The following DMD variants were observed in gnomAD, a reference collection of about 807,000 sequenced individuals.
DMD encodes the protein mutant dystrophin.
In DMD, 63 loss-of-function variants were observed where a neutral mutation model predicts 330.1. The ratio of observed to expected loss-of-function variants is 0.19; its 90% CI spans 0.16 to 0.24. The LOEUF (loss-of-function observed/expected upper bound fraction) is 0.24, where lower values mean the gene tolerates loss of function less well. Ranked by LOEUF, DMD falls within the 10% of genes least tolerant of loss-of-function variation. The pLI, the probability that DMD is intolerant of heterozygous loss-of-function variation, is 1.00. For synonymous variants in DMD, 1,223 were observed against 959.8 expected (o/e 1.27, Z -5.07); for missense variants, 3,344 against 2,684.1 (o/e 1.25, Z -5.43).
At chrX:32,657,301 A>G (rs2060642913) in intron 9 of DMD, among the ~76,000 whole-genome samples, 1 of 111,790 alleles carries the variant, frequency 8.9e-6, no homozygotes, top group Non-Finnish European at 1.9e-5. Flanking sequence ...AAATGTACCT[A>G]GAACAATTTA....
chrX:32,960,096 A>T (rs2091818887), intron 2 of DMD: 1 of 112,185 alleles, frequency 8.9e-6, no homozygotes, highest in African/African-American at 3.2e-5. Flanking sequence ...GCCTCTCATT[A>T]AATGCCTGAT....
At chrX:32,765,615 A>G (rs1268724731) in intron 7 of DMD, among the ~76,000 whole-genome samples, 10 of 111,905 alleles carry the variant, frequency 8.9e-5, no homozygotes, top group East Asian at 2.8e-4. Flanking sequence ...TTAATTCCCT[A>G]TTGAATATAT....
chrX:31,539,624 G>T (rs930913406), intron 55 of DMD, among the ~76,000 whole-genome samples: 1 of 111,766 alleles, frequency 8.9e-6, no homozygotes, highest in Admixed American at 9.5e-5. Flanking sequence ...AGTAGTAGGG[G>T]TCATTGTCAA....
intron 43 of DMD, among the ~76,000 whole-genome samples, chrX:32,285,723 C>T (rs1270340573): frequency 2.7e-5 from 3 of 110,823 alleles, no homozygotes; most frequent in African/African-American, 9.9e-5. Context: ...TTGTTTGAGA[C>T]GGAGCCTTGC....
intron 43 of DMD, among the ~76,000 whole-genome samples, chrX:32,280,170 TATATATATATATATATAC>T (rs1389277233): frequency 0.015 from 752 of 49,707 alleles, 6 homozygotes; most frequent in African/African-American, 0.028. Flanking sequence ...ATACAGTATA[TATATATATATATATATAC>T]ACACTATGTA....
At chrX:32,644,437 A>C in intron 10 of DMD, 124 bp from the exon 11 acceptor site, 1 of 756,770 alleles carries the variant, frequency 1.3e-6, no homozygotes, top group Non-Finnish European at 1.9e-6. Flanking sequence ...AGTAAAAGGA[A>C]TTTAATTTGT....
rs770464589 is a variant in DMD at position 32,595,856 on chromosome X, T to C, written c.1503A>G (p.Glu501=). 5.1e-5 allele frequency: 61 copies of C among 1,195,391 alleles called. No individual in the cohort carries two copies. Among genetic ancestry groups the C allele is most frequent in the Admixed American group, 5.0e-4 (23 of 45,681 alleles). ...QQHKVLQEDL[E]QEQVRVNSLT... ...GAGAATTGACCCTGACTTGTTCTTG[T>C]TCTAGATCTTCTTGAAGCACCTGAA... Residue 501 remains glutamate, a synonymous_variant, in exon 13 of 79, where the codon GAA becomes GAG. Transcript: ENST00000357033.
At chrX:31,371,579 G>A (rs764492895) in intron 60 of DMD, among the ~76,000 whole-genome samples, 1 of 111,207 alleles carries the variant, frequency 9.0e-6, no homozygotes, top group African/African-American at 3.3e-5. Context: ...TGGGTGGTTA[G>A]TTCAAAGGTT....
At chrX:31,399,783 G>A (rs745788745) in intron 60 of DMD, among the ~76,000 whole-genome samples, 43 of 111,777 alleles carry the variant, frequency 3.8e-4, no homozygotes, top group Admixed American at 6.7e-4. Flanking sequence ...CTAATCATTA[G>A]AAGGCCAAAT....
chrX:31,789,355 C>T (rs759161620), intron 50 of DMD, among the ~76,000 whole-genome samples: 6 of 111,397 alleles, frequency 5.4e-5, no homozygotes, highest in South Asian at 3.7e-4. Context: ...AAACTCTACA[C>T]GCTTACTTCC....
At chrX:33,228,983 C>T (rs755923791) in intron 1 of DMD, among the ~76,000 whole-genome samples, 9 of 110,667 alleles carry the variant, frequency 8.1e-5, no homozygotes, top group Non-Finnish European at 1.7e-4. Flanking sequence ...TATTTAATAT[C>T]TTTTCCATAT....
At chrX:31,848,011 T>C (rs1182390644) in intron 48 of DMD, among the ~76,000 whole-genome samples, 4 of 111,644 alleles carry the variant, frequency 3.6e-5, no homozygotes, top group Non-Finnish European at 7.6e-5. Context: ...CAAATCTCTA[T>C]TTCCTTCTTT....
intron 60 of DMD, among the ~76,000 whole-genome samples, chrX:31,414,610 A>G (rs1176106120): frequency 8.9e-6 from 1 of 112,336 alleles, no homozygotes; most frequent in Non-Finnish European, 1.9e-5. Flanking sequence ...GCCGCTATCT[A>G]AAATTAAATC....
chrX:31,825,022 G>A (rs1308376357), intron 49 of DMD, among the ~76,000 whole-genome samples: 1 of 111,676 alleles, frequency 9.0e-6, no homozygotes, highest in African/African-American at 3.3e-5. Flanking sequence ...CCTCTGATTA[G>A]TCAGGAAAAC....
chrX:32,406,594 G>A (rs1053849607), intron 30 of DMD, among the ~76,000 whole-genome samples: 4 of 111,089 alleles, frequency 3.6e-5, no homozygotes, highest in African/African-American at 1.3e-4. Context: ...TGCATCCCAG[G>A]GATGAAGCCC....
intron 29 of DMD, among the ~76,000 whole-genome samples, chrX:32,434,249 A>C (rs924144013): frequency 9.0e-6 from 1 of 111,634 alleles, no homozygotes; most frequent in Non-Finnish European, 1.9e-5. Flanking sequence ...TGATTTTAAA[A>C]AATAGGTTAA....
chrX:32,831,656 G>T (rs1386891481), intron 4 of DMD, among the ~76,000 whole-genome samples: 1 of 16,829 alleles, frequency 5.9e-5, no homozygotes, highest in Non-Finnish European at 1.8e-4. Flanking sequence ...TTACGTGTGT[G>T]TGTGTGTGTG....
chrX:32,062,444 A>G (rs1009013379), intron 44 of DMD, among the ~76,000 whole-genome samples: 17 of 110,902 alleles, frequency 1.5e-4, no homozygotes, highest in Non-Finnish European at 2.8e-4. Context: ...GAAAGTTTAT[A>G]TAAAATTCTA....
intron 44 of DMD, among the ~76,000 whole-genome samples, chrX:32,210,820 G>A (rs1390958242): frequency 2.7e-5 from 3 of 111,512 alleles, no homozygotes; most frequent in Non-Finnish European, 3.8e-5. Flanking sequence ...TCTGGGCTGC[G>A]AGTGCTGAAA....
Sources: gnomAD v4.1 joint callset for allele counts (sites outside exome capture counted in the v4.1 genomes callset) on GRCh38, gnomAD v4.1.1 for gene constraint, MANE v1.5 for transcripts, NCBI Gene and HGNC (gene_info 2026-07-23, HGNC 2026-07-21) for gene names.